The following NKAIN2 variants were observed in gnomAD, a reference collection of about 807,000 sequenced individuals.
NKAIN2 encodes the protein sodium/potassium-transporting ATPase subunit beta-1-interacting protein 2.
NKAIN2 carries 14 observed loss-of-function variants against 32.6 expected under a neutral mutation model. That is an observed-to-expected ratio of 0.43 (90% confidence interval 0.28 to 0.67). NKAIN2 has a LOEUF of 0.67. NKAIN2 is among the 30% of genes least tolerant of loss of function. The pLI is 0.17. For synonymous variants in NKAIN2, 80 were observed against 87.2 expected (o/e 0.92, Z 0.46); for missense variants, 198 against 258.3 (o/e 0.77, Z 1.60).
chr6:124,325,641 C>G (rs1256700928), intron 2 of NKAIN2, among the ~76,000 whole-genome samples: 1 of 152,096 alleles, frequency 6.6e-6, no homozygotes, highest in Non-Finnish European at 1.5e-5. Flanking sequence ...AAGCCAGATA[C>G]TGTATATTTT....
At chr6:124,102,916 A>G (rs879545570) in intron 1 of NKAIN2, among the ~76,000 whole-genome samples, 1 of 152,114 alleles carries the variant, frequency 6.6e-6, no homozygotes, top group East Asian at 1.9e-4. Context: ...TGTGATCAAA[A>G]CATCTTGTTT....
intron 1 of NKAIN2, among the ~76,000 whole-genome samples, chr6:123,940,122 T>A (rs932675981): frequency 6.6e-6 from 1 of 151,870 alleles, no homozygotes. Flanking sequence ...GATAAGGATG[T>A]GGAACACTGT....
At chr6:124,495,837 T>A (rs987190458) in intron 3 of NKAIN2, among the ~76,000 whole-genome samples, 1 of 152,112 alleles carries the variant, frequency 6.6e-6, no homozygotes, top group African/African-American at 2.4e-5. Context: ...AACCCATAGA[T>A]GACTTCAGCA....
chr6:124,537,427 T>C (rs1330008606), intron 3 of NKAIN2, among the ~76,000 whole-genome samples: 1 of 152,228 alleles, frequency 6.6e-6, no homozygotes, highest in Non-Finnish European at 1.5e-5. Flanking sequence ...CCACAAGTTG[T>C]TTTCCTTTTT....
chr6:123,880,516 A>T (rs2114324558), intron 1 of NKAIN2, among the ~76,000 whole-genome samples: 1 of 152,280 alleles, frequency 6.6e-6, no homozygotes, highest in Non-Finnish European at 1.5e-5. Flanking sequence ...ATTACTGGTT[A>T]AGGAGAGAAT....
chr6:124,248,367 G>A (rs1793524958), intron 1 of NKAIN2, among the ~76,000 whole-genome samples: 1 of 151,898 alleles, frequency 6.6e-6, no homozygotes. Context: ...ACTGTTAAGT[G>A]GTTAATTAGT....
Position 124,290,510 on chromosome 6 carries a change from A to ATGTGTGTGTGTG in NKAIN2, c.192+7399_192+7410dup, listed in dbSNP as rs56389666. Reference sequence around the variant, plus strand: ...TAGTTCTTCTGGGGTTACCTCAGAAATGTGTGTGTGTGTGTGTGTGTGTGT... The same window carrying ATGTGTGTGTGTG: ...TAGTTCTTCTGGGGTTACCTCAGAAATGTGTGTGTGTGTGTGTGTGTGTGTGTGTGTGTGTGT... On this transcript the variant is annotated intron_variant, in intron 2 of 6. Coordinates refer to ENST00000368417, the MANE Select transcript of NKAIN2 (RefSeq NM_001040214.3). Among the ~76,000 whole-genome samples, 258 of 137,864 alleles carry ATGTGTGTGTGTG rather than the reference A, an allele frequency of 1.9e-3. 2 individuals carry two copies. Among genetic ancestry groups the ATGTGTGTGTGTG allele is most frequent in the African/African-American group, 6.7e-3 (251 of 37,278 alleles). The allele number at this position is 137,864 out of a possible 152,430, so 90.4% of individuals were successfully genotyped here.
intron 1 of NKAIN2, among the ~76,000 whole-genome samples, chr6:124,162,136 G>A (rs556751341): frequency 6.6e-6 from 1 of 152,166 alleles, no homozygotes; most frequent in South Asian, 2.1e-4. Flanking sequence ...ATTTCAGGCA[G>A]GTCAGGTAGT....
At chr6:124,276,834 C>T (rs1270179215) in intron 1 of NKAIN2, among the ~76,000 whole-genome samples, 3 of 152,136 alleles carry the variant, frequency 2.0e-5, no homozygotes, top group Non-Finnish European at 4.4e-5. Flanking sequence ...CAGACAGGCC[C>T]AGAGCGTGCT....
intron 3 of NKAIN2, among the ~76,000 whole-genome samples, chr6:124,376,769 T>C (rs1377554942): frequency 2.0e-5 from 3 of 152,148 alleles, no homozygotes; most frequent in Non-Finnish European, 4.4e-5. Flanking sequence ...ATAAATATCA[T>C]TTATCTGACT....
chr6:124,209,097 T>C (rs802234), intron 1 of NKAIN2, among the ~76,000 whole-genome samples: 105,029 of 150,876 alleles, frequency 0.7, 36,809 homozygotes, highest in South Asian at 0.76. Flanking sequence ...CATCCAAGAA[T>C]CATCCCCACT....
chr6:124,506,921 T>A (rs1778509080), intron 3 of NKAIN2, among the ~76,000 whole-genome samples: 1 of 150,948 alleles, frequency 6.6e-6, no homozygotes, highest in Admixed American at 6.6e-5. Context: ...TAGTCAAAAA[T>A]GCAGAATCTC....
intron 2 of NKAIN2, among the ~76,000 whole-genome samples, chr6:124,349,316 C>T (rs1443977380): frequency 2.0e-5 from 3 of 152,096 alleles, no homozygotes; most frequent in South Asian, 2.1e-4. Flanking sequence ...GCGGGAACTT[C>T]CCGAGGCTCC....
chr6:124,078,045 G>A lies in NKAIN2; in HGVS notation c.55-204960G>A, dbSNP rs1032468519. Among the ~76,000 whole-genome samples the A allele has an allele frequency of 4.6e-5, 7 of 152,060 alleles. No individual in the cohort carries two copies. The East Asian group carries it at 1.3e-3, about 29-fold the overall frequency. On this transcript the variant is annotated intron_variant, in intron 1 of 6. Coordinates refer to ENST00000368417, the MANE Select transcript of NKAIN2 (RefSeq NM_001040214.3). Reference sequence around the variant, plus strand: ...GACAATGAATTGTATTTTTGCCTCAGTCCTCATAATTTCATTTTCATTTAG... The same window carrying A: ...GACAATGAATTGTATTTTTGCCTCAATCCTCATAATTTCATTTTCATTTAG...
rs1254610062 is a variant in NKAIN2 at position 124,119,944 on chromosome 6, T to C, written c.55-163061T>C. On this transcript the variant is annotated intron_variant, in intron 1 of 6. Transcript: ENST00000368417. The stretch of plus-strand genomic sequence containing the variant: ...TTTCTTTTGTATACCTGGCCTGCTT[T>C]GTTTTTTTTCTATTATGTTGTTCTT... Among the ~76,000 whole-genome samples, 5 of 152,170 alleles carry C rather than the reference T, an allele frequency of 3.3e-5. No homozygotes were observed. In the East Asian group the frequency reaches 9.7e-4, roughly 29 times the overall value.
At chr6:124,778,589 A>G (rs1779088336) in intron 4 of NKAIN2, among the ~76,000 whole-genome samples, 1 of 152,072 alleles carries the variant, frequency 6.6e-6, no homozygotes, top group Non-Finnish European at 1.5e-5. Context: ...TTTGATATAA[A>G]TATAGAGAAA....
intron 1 of NKAIN2, among the ~76,000 whole-genome samples, chr6:124,097,569 C>A (rs1434766989): frequency 1.3e-5 from 2 of 152,118 alleles, no homozygotes; most frequent in Admixed American, 1.3e-4. Flanking sequence ...CGCAAATGAC[C>A]TGATTTCTCA....
chr6:124,083,085 T>C (rs1784046143), intron 1 of NKAIN2, among the ~76,000 whole-genome samples: 1 of 151,432 alleles, frequency 6.6e-6, no homozygotes, highest in Non-Finnish European at 1.5e-5. Flanking sequence ...TATGCCTTTT[T>C]ATGAGACTTT....
chr6:124,693,120 CT>C (rs1435207120), intron 4 of NKAIN2, among the ~76,000 whole-genome samples: 4 of 151,966 alleles, frequency 2.6e-5, no homozygotes, highest in African/African-American at 9.7e-5. Context: ...GTATAGAATT[CT>C]CCTGCCTTGG....
Sources: allele counts gnomAD v4.1 joint callset (sites outside exome capture counted in the v4.1 genomes callset), GRCh38; gene constraint gnomAD v4.1.1; transcripts MANE v1.5; gene names NCBI Gene and HGNC (gene_info 2026-07-23, HGNC 2026-07-21).